Variants in KAZN observed in about 807,000 individuals in gnomAD.
The protein encoded by KAZN is kazrin, periplakin interacting protein, also known as kazrin.
KAZN carries 40 observed loss-of-function variants against 87.4 expected under a neutral mutation model. The observed-to-expected ratio is 0.46, with a 90% confidence interval of 0.36 to 0.60. The LOEUF is 0.60. Ranked by LOEUF, KAZN falls within the 20% of genes least tolerant of loss-of-function variation. The probability of loss-of-function intolerance (pLI) is 0.00; values close to 1 mark genes in which losing one functional copy is unlikely to be tolerated. For missense variants in KAZN, 898 were observed against 1,073.9 expected (o/e 0.84, Z 2.29); for synonymous variants, 466 against 458.3 (o/e 1.02, Z -0.22).
At chr1:14,529,362 T>C (rs1470306499) in intron 2 of KAZN, among the ~76,000 whole-genome samples, 2 of 152,186 alleles carry the variant, frequency 1.3e-5, no homozygotes, top group African/African-American at 4.8e-5. Flanking sequence ...CGCTATCCAA[T>C]GGAAGCATCA....
At chr1:14,498,486 G>A (rs536196317) in intron 2 of KAZN, among the ~76,000 whole-genome samples, 68 of 152,280 alleles carry the variant, frequency 4.5e-4, no homozygotes, top group Admixed American at 1.2e-3. Flanking sequence ...GGGGTCAGGG[G>A]TTTGAGACCA....
intron 1 of KAZN, among the ~76,000 whole-genome samples, chr1:14,952,663 C>CG (rs895165753): frequency 6.6e-6 from 1 of 151,956 alleles, no homozygotes; most frequent in African/African-American, 2.4e-5. Flanking sequence ...TCAGAGCCCC[C>CG]CAAGCTCTCT....
In KAZN at chr1:13,998,025, C is replaced by G. The variant is rs1570485024; in HGVS notation, c.91+104269C>G. On this transcript the variant is annotated intron_variant, in intron 1 of 16. Coordinates refer to the KAZN transcript ENST00000636203. Reference sequence around the variant, plus strand: ...GGAAGCTCATTAGACTAACAGCAGACCTTTCAGGAGAAACTCTGCAAGTCA... The same window carrying G: ...GGAAGCTCATTAGACTAACAGCAGAGCTTTCAGGAGAAACTCTGCAAGTCA... Among the ~76,000 whole-genome samples, 3 of 152,150 alleles carry G rather than the reference C, an allele frequency of 2.0e-5. No individual in the cohort carries two copies. In the South Asian group the frequency reaches 6.2e-4, roughly 32 times the overall value.
intron 6 of KAZN, chr1:15,061,181 T>A (rs1488587898): frequency 6.6e-6 from 1 of 152,254 alleles, no homozygotes; most frequent in Non-Finnish European, 1.5e-5. Context: ...AGTGACATGA[T>A]TCTCTACCTG....
At chr1:14,602,710 C>T (rs1677075812) in intron 1 of KAZN, among the ~76,000 whole-genome samples, 1 of 152,186 alleles carries the variant, frequency 6.6e-6, no homozygotes, top group African/African-American at 2.4e-5. Flanking sequence ...GGTTGCTTTG[C>T]TATGCATAGA....
rs369593295 is a variant in KAZN, at chr1:15,044,150, G to A, written c.717G>A (p.Glu239=). The part of the protein sequence containing the change: ...KDNRMKELEA[E]LAMAKQSLAT... ...ACCGGATGAAGGAGCTGGAGGCCGA[G>A]CTGGCCATGGTGAGAACCCTCCCCA... The change falls in exon 4 of 15, where the codon GAG becomes GAA. Residue 239 remains glutamate, a synonymous_variant. Coordinates refer to ENST00000376030, the MANE Select transcript of KAZN (RefSeq NM_201628.3). 3.2e-5 allele frequency: 52 copies of A among 1,606,452 alleles called. No homozygotes were observed. The African/African-American group carries it at 5.3e-4, about 17-fold the overall frequency.
intron 1 of KAZN, among the ~76,000 whole-genome samples, chr1:14,835,169 C>G (rs1381185210): frequency 6.6e-6 from 1 of 152,200 alleles, no homozygotes; most frequent in Non-Finnish European, 1.5e-5. Context: ...TTCCTATCAA[C>G]TGTGATCATA....
At chr1:14,882,238 T>C (rs925530110) in intron 1 of KAZN, among the ~76,000 whole-genome samples, 6 of 152,244 alleles carry the variant, frequency 3.9e-5, no homozygotes, top group African/African-American at 1.4e-4. Context: ...GAGCTCAGCA[T>C]GCACTCAGCT....
intron 2 of KAZN, among the ~76,000 whole-genome samples, chr1:14,346,697 G>A (rs1471670970): frequency 6.6e-6 from 1 of 152,090 alleles, no homozygotes; most frequent in Non-Finnish European, 1.5e-5. Flanking sequence ...GACACAGGAT[G>A]TTCAGAAAGC....
At chr1:14,441,052 G>A (rs1478741340) in intron 2 of KAZN, among the ~76,000 whole-genome samples, 1 of 152,116 alleles carries the variant, frequency 6.6e-6, no homozygotes, top group East Asian at 1.9e-4. Context: ...GCTTCTCTGA[G>A]CACCTGATGG....
At chr1:14,289,049 T>G (rs1040689120) in intron 2 of KAZN, among the ~76,000 whole-genome samples, 34 of 152,120 alleles carry the variant, frequency 2.2e-4, no homozygotes, top group Admixed American at 1.4e-3. Flanking sequence ...CTGTGAGACA[T>G]TTTGTTGTGA....
At chr1:14,277,603 C>T (rs1277647489) in intron 2 of KAZN, among the ~76,000 whole-genome samples, 1 of 149,370 alleles carries the variant, frequency 6.7e-6, no homozygotes, top group Non-Finnish European at 1.5e-5. Context: ...GCGGAGGTTG[C>T]AGTGAGCCAA....
At chr1:14,086,894 G>A (rs983728222) in intron 1 of KAZN, among the ~76,000 whole-genome samples, 1 of 152,188 alleles carries the variant, frequency 6.6e-6, no homozygotes, top group African/African-American at 2.4e-5. Flanking sequence ...ACTGTCTTCT[G>A]TGTTGTTATG....
At chr1:14,872,566 T>C (rs1652257420) in intron 1 of KAZN, among the ~76,000 whole-genome samples, 1 of 152,188 alleles carries the variant, frequency 6.6e-6, no homozygotes, top group South Asian at 2.1e-4. Flanking sequence ...TGAAGCCAGG[T>C]ACTGTGTGAA....
At chr1:14,092,878 C>G (rs1323350603) in intron 1 of KAZN, among the ~76,000 whole-genome samples, 1 of 152,108 alleles carries the variant, frequency 6.6e-6, no homozygotes, top group Non-Finnish European at 1.5e-5. Flanking sequence ...AATAAAGATG[C>G]AATTTATGAA....
At chr1:14,742,265 A>G (rs965336857) in intron 1 of KAZN, among the ~76,000 whole-genome samples, 10 of 152,164 alleles carry the variant, frequency 6.6e-5, no homozygotes, top group African/African-American at 2.2e-4. Context: ...CACTGAATAA[A>G]TATTTGTGAA....
chr1:14,649,109 C>T (rs995803524), intron 1 of KAZN, among the ~76,000 whole-genome samples: 5 of 152,168 alleles, frequency 3.3e-5, no homozygotes, highest in South Asian at 2.1e-4. Context: ...TGGTTGGTTG[C>T]CCTGGTGCAG....
At chr1:14,433,298 G>A (rs552275151) in intron 2 of KAZN, among the ~76,000 whole-genome samples, 2 of 152,204 alleles carry the variant, frequency 1.3e-5, no homozygotes, top group Admixed American at 1.3e-4. Context: ...TACCACCATA[G>A]ATTAGTTTTG....
At chr1:13,922,357 C>A (rs1021973357) in intron 1 of KAZN, among the ~76,000 whole-genome samples, 2 of 152,186 alleles carry the variant, frequency 1.3e-5, no homozygotes, top group African/African-American at 4.8e-5. Context: ...CCCCTGGCCT[C>A]TAACATAGCA....
Sources: gnomAD v4.1 joint callset for allele counts (sites outside exome capture counted in the v4.1 genomes callset) on GRCh38, gnomAD v4.1.1 for gene constraint, MANE v1.5 for transcripts, NCBI Gene and HGNC (gene_info 2026-07-23, HGNC 2026-07-21) for gene names.